Variants in NTPCR observed in about 807,000 individuals in gnomAD.
The protein encoded by NTPCR is cancer-related nucleoside-triphosphatase.
Under a neutral mutation model 19.5 loss-of-function variants are expected in NTPCR, and 15 were observed. That is an observed-to-expected ratio of 0.77 (90% CI 0.51 to 1.18). The LOEUF is 1.18. NTPCR is among the 50% of genes most tolerant of loss of function. The probability of loss-of-function intolerance (pLI) is 0.00; values close to 1 mark genes in which losing one functional copy is unlikely to be tolerated. For synonymous variants in NTPCR, 90 were observed against 95.8 expected (o/e 0.94, Z 0.36); for missense variants, 206 against 240.4 (o/e 0.86, Z 0.95).
intron 3 of NTPCR, among the ~76,000 whole-genome samples, chr1:232,959,953 G>A (rs1286522521): frequency 6.6e-6 from 1 of 152,084 alleles, no homozygotes; most frequent in Non-Finnish European, 1.5e-5. Context: ...GCTCATGTCT[G>A]TAACCCCAGC....
chr1:232,951,725 A>G (rs796860917), intron 1 of NTPCR, among the ~76,000 whole-genome samples: 12 of 152,240 alleles, frequency 7.9e-5, no homozygotes, highest in African/African-American at 2.9e-4. Flanking sequence ...TACAGCTAAT[A>G]TTGCAGACTT....
intron 4 of NTPCR, among the ~76,000 whole-genome samples, chr1:232,972,287 A>G (rs1238684876): frequency 4.6e-5 from 7 of 151,788 alleles, no homozygotes; most frequent in Non-Finnish European, 8.8e-5. Flanking sequence ...CTTCTGTTTC[A>G]GTTTTATTTT....
chr1:232,961,853 T>A (rs1274751445), intron 3 of NTPCR: 1 of 152,234 alleles, frequency 6.6e-6, no homozygotes, highest in African/African-American at 2.4e-5. Flanking sequence ...CATTTCTAAT[T>A]AGTTTTTTAT....
intron 4 of NTPCR, among the ~76,000 whole-genome samples, chr1:232,971,008 C>T (rs1453995756): frequency 6.6e-6 from 1 of 152,216 alleles, no homozygotes; most frequent in Non-Finnish European, 1.5e-5. Context: ...CTGCTGTAGA[C>T]CACATGTGAG....
At chr1:232,957,713 A>G (rs554239108) in intron 3 of NTPCR, among the ~76,000 whole-genome samples, 22 of 152,352 alleles carry the variant, frequency 1.4e-4, no homozygotes, top group African/African-American at 4.3e-4. Context: ...CAAAACAGAC[A>G]TGTTTCTACT....
At position 232,955,719 on chromosome 1, in the gene NTPCR, G is replaced by A. The variant is rs146800609; in HGVS notation, c.197G>A (p.Gly66Glu). ...ACCCGGGGGCCTTTATCGAGAGTTG[G>A]GTACTGATATTTCATTTCTGTGGTG... ...SGTRGPLSRV[G>E]LEPPPGKREC... Residue 66 changes from glycine to glutamate, a missense_variant and splice_region_variant, in exon 2 of 5, where the codon GGG becomes GAG. Gly to Glu is a moderately conservative substitution (Grantham distance 98). Coordinates refer to ENST00000366628, the MANE Select transcript of NTPCR (RefSeq NM_032324.3). The A allele has an allele frequency of 5.5e-4, 881 of 1,613,238 alleles. 2 individuals are homozygous for A. In the African/African-American group the frequency reaches 0.011, roughly 20 times the overall value.
At chr1:232,960,728 G>C (rs994577783) in intron 3 of NTPCR, among the ~76,000 whole-genome samples, 1 of 152,114 alleles carries the variant, frequency 6.6e-6, no homozygotes, top group Non-Finnish European at 1.5e-5. Context: ...TGTGGTAAGT[G>C]TTCTAGACTC....
At chr1:232,973,174 A>T (rs1669030276) in intron 4 of NTPCR, among the ~76,000 whole-genome samples, 1 of 152,230 alleles carries the variant, frequency 6.6e-6, no homozygotes, top group Non-Finnish European at 1.5e-5. Flanking sequence ...TAGTAATATT[A>T]TCTAGACTTA....
At chr1:232,954,418 A>G (rs895789529) in intron 1 of NTPCR, among the ~76,000 whole-genome samples, 1 of 152,198 alleles carries the variant, frequency 6.6e-6, no homozygotes, top group African/African-American at 2.4e-5. Flanking sequence ...ATGATTTGCA[A>G]CTCTGTAGTA....
At chr1:232,951,697 G>C (rs1668369368) in intron 1 of NTPCR, among the ~76,000 whole-genome samples, 2 of 152,132 alleles carry the variant, frequency 1.3e-5, no homozygotes, top group Non-Finnish European at 2.9e-5. Context: ...ATTATGTTTA[G>C]TTGTAAGTAG....
intron 3 of NTPCR, among the ~76,000 whole-genome samples, chr1:232,958,938 A>G (rs1052743837): frequency 2.0e-5 from 3 of 152,204 alleles, no homozygotes; most frequent in Admixed American, 1.3e-4. Flanking sequence ...GCAAGATTAT[A>G]TAAGAGATCA....
chr1:232,957,190 T>C (rs1353652709), intron 3 of NTPCR, among the ~76,000 whole-genome samples: 3 of 152,252 alleles, frequency 2.0e-5, no homozygotes, highest in African/African-American at 7.2e-5. Flanking sequence ...TTAGTTTTGG[T>C]ATCAGGTTAA....
At position 232,970,073 on chromosome 1, in the gene NTPCR, T is replaced by C. The variant is rs748469098; in HGVS notation, c.459T>C (p.Ala153=). The change falls in exon 4 of 5, where the codon GCT becomes GCC. Residue 153 remains alanine, a synonymous_variant. Transcript: ENST00000366628. ...TIPVPKGKPL[A]LVEEIRNRKD... is the part of the protein sequence containing the mutation. ...CAGTTCCTAAAGGAAAGCCACTGGCTCTTGTAGAAGAAATCAGAAACAGAA... is the reference window on the plus strand; with the variant it reads ...CAGTTCCTAAAGGAAAGCCACTGGCCCTTGTAGAAGAAATCAGAAACAGAA... 2 of 1,614,076 alleles carry C rather than the reference T, an allele frequency of 1.2e-6. No homozygotes were observed. The highest frequency in any genetic ancestry group is 2.2e-5 in the East Asian group (1 of 44,902).
At chr1:232,975,726 T>C (rs1669107008) in intron 4 of NTPCR, among the ~76,000 whole-genome samples, 1 of 152,160 alleles carries the variant, frequency 6.6e-6, no homozygotes, top group African/African-American at 2.4e-5. Context: ...GGGTTCAGGT[T>C]CACTCAGCTT....
chr1:232,965,331 C>T (rs1345079240), intron 3 of NTPCR: 1 of 152,228 alleles, frequency 6.6e-6, no homozygotes, highest in African/African-American at 2.4e-5. Context: ...CAGGTGATCT[C>T]TGGTTTGACT....
chr1:232,978,454 TA>T lies in NTPCR; in HGVS notation c.*226del. ...CTATCCATTGTGGCTTATCTATGCT[TA>T]AAGATTTCTTGTTTATTTCCTCTTG... On this transcript the variant is annotated 3_prime_UTR_variant, in exon 5 of 5. Coordinates refer to ENST00000366628, the MANE Select transcript of NTPCR (RefSeq NM_032324.3). 2.2e-6 allele frequency: 1 copy of T among 449,476 alleles called. No individual in the cohort carries two copies. The highest frequency in any genetic ancestry group is 4.0e-6 in the Non-Finnish European group (1 of 250,960). The allele number at this position is 449,476 out of a possible 1,614,324, so 27.8% of individuals were successfully genotyped here.
intron 1 of NTPCR, among the ~76,000 whole-genome samples, chr1:232,951,306 G>A (rs1045108404): frequency 1.3e-5 from 2 of 151,982 alleles, no homozygotes; most frequent in African/African-American, 4.8e-5. Flanking sequence ...GAGGCCAGAG[G>A]TGGAGAAGCT....
At chr1:232,976,530 A>G (rs1669129062) in intron 4 of NTPCR, 1 of 1,528,248 alleles carries the variant, frequency 6.5e-7, no homozygotes, top group African/African-American at 1.4e-5. Flanking sequence ...CTTGAATGCA[A>G]ACAACAGGAA....
intron 1 of NTPCR, chr1:232,951,112 A>C (rs138194114): frequency 8.9e-6 from 2 of 225,644 alleles, no homozygotes; most frequent in Admixed American, 5.6e-5. Flanking sequence ...GGAGATGTCT[A>C]ATTTCTGTTG....
Sources: gnomAD v4.1 joint callset for allele counts (sites outside exome capture counted in the v4.1 genomes callset) on GRCh38, gnomAD v4.1.1 for gene constraint, MANE v1.5 for transcripts, NCBI Gene and HGNC (gene_info 2026-07-23, HGNC 2026-07-21) for gene names.